DIAPH2: variants seen among roughly 807,000 people sequenced by gnomAD.
The protein encoded by DIAPH2 is diaphanous related formin 2, also known as protein diaphanous homolog 2.
DIAPH2 carries 35 observed loss-of-function variants against 92.7 expected under a neutral mutation model. That is an observed-to-expected ratio of 0.38 (90% CI 0.29 to 0.50). The LOEUF (loss-of-function observed/expected upper bound fraction) is 0.50. Ranked by LOEUF, DIAPH2 falls within the 20% of genes least tolerant of loss-of-function variation. DIAPH2 has a pLI of 0.94. For synonymous variants in DIAPH2, 301 were observed against 280.4 expected (o/e 1.07, Z -0.73); for missense variants, 701 against 819.5 (o/e 0.86, Z 1.77).
At chrX:97,090,446 G>A (rs1031643723) in intron 19 of DIAPH2, among the ~76,000 whole-genome samples, 20 of 107,900 alleles carry the variant, frequency 1.9e-4, no homozygotes, top group African/African-American at 6.1e-4. Flanking sequence ...AGGGCTCACC[G>A]CCTCTCCAGT....
chrX:97,592,039 A>G (rs2071521087), intron 26 of DIAPH2, among the ~76,000 whole-genome samples: 1 of 112,136 alleles, frequency 8.9e-6, no homozygotes, highest in Non-Finnish European at 1.9e-5. Context: ...CAATTATGTA[A>G]ATGCCAGTCA....
chrX:96,813,152 G>C (rs189110396), intron 4 of DIAPH2, among the ~76,000 whole-genome samples: 1 of 111,208 alleles, frequency 9.0e-6, no homozygotes, highest in East Asian at 2.8e-4. Context: ...TTGTGTGGGA[G>C]TCTAAGTCTC....
chrX:96,972,881 TTCATTAATTGG>T (rs770850019), intron 17 of DIAPH2, among the ~76,000 whole-genome samples: 1 of 111,734 alleles, frequency 8.9e-6, no homozygotes, highest in East Asian at 2.8e-4. Context: ...CAAGGAATCA[TTCATTAATTGG>T]TCAGCATTCA....
rs770771452 is a variant in DIAPH2 at position 97,542,848 on chromosome X, G to A, written c.3242-56405G>A. 1.6e-4 allele frequency among the ~76,000 whole-genome samples: 18 copies of A among 111,435 alleles called. No homozygotes were observed. The South Asian group carries it at 3.4e-3, about 21-fold the overall frequency. On this transcript the variant is annotated intron_variant, in intron 26 of 26. Coordinates refer to ENST00000324765, the MANE Select transcript of DIAPH2 (RefSeq NM_006729.5). ...ATAACCGATATATGGTGGGGAAAAC[G>A]ACAAGGGAGTGTTTTCTAAACCCAA...
intron 25 of DIAPH2, among the ~76,000 whole-genome samples, chrX:97,423,872 TAAAC>T (rs1455259400): frequency 2.7e-5 from 3 of 110,851 alleles, no homozygotes; most frequent in Non-Finnish European, 5.7e-5. Flanking sequence ...AATAAACACA[TAAAC>T]AATTTTTTTT....
intron 21 of DIAPH2, among the ~76,000 whole-genome samples, chrX:97,136,170 A>T (rs905965745): frequency 2.7e-5 from 3 of 112,372 alleles, no homozygotes; most frequent in African/African-American, 9.7e-5. Context: ...TAGAGATAAG[A>T]TCACAACAGA....
At chrX:96,750,372 T>G (rs2147585736) in intron 3 of DIAPH2, among the ~76,000 whole-genome samples, 1 of 111,856 alleles carries the variant, frequency 8.9e-6, no homozygotes, top group Non-Finnish European at 1.9e-5. Flanking sequence ...ACCAGAAATA[T>G]CTCTGGTTTT....
chrX:96,960,458 A>T (rs1282433362), intron 16 of DIAPH2, among the ~76,000 whole-genome samples: 5 of 110,740 alleles, frequency 4.5e-5, no homozygotes, highest in African/African-American at 1.6e-4. Context: ...TTGATTTTGT[A>T]TCCTCCAACT....
chrX:97,510,627 G>C (rs1235441652), intron 26 of DIAPH2, among the ~76,000 whole-genome samples: 3 of 101,765 alleles, frequency 2.9e-5, no homozygotes, highest in Non-Finnish European at 6.0e-5. Flanking sequence ...TTCTTCTAGG[G>C]TTTTTATGGT....
intron 1 of DIAPH2, among the ~76,000 whole-genome samples, chrX:96,687,333 A>G (rs1320251770): frequency 5.3e-5 from 6 of 112,495 alleles, no homozygotes; most frequent in Non-Finnish European, 1.9e-5. Flanking sequence ...AAATTAATTC[A>G]GTCGCTCCAG....
At chrX:97,132,859 T>C (rs1018865274) in intron 21 of DIAPH2, among the ~76,000 whole-genome samples, 4 of 111,812 alleles carry the variant, frequency 3.6e-5, no homozygotes, top group Non-Finnish European at 7.5e-5. Context: ...TATATGTGTA[T>C]TGTGTGATGT....
Position 96,922,553 on chromosome X carries a change from T to C in DIAPH2, c.978+3936T>C, listed in dbSNP as rs1291212056. Among the ~76,000 whole-genome samples the C allele has an allele frequency of 2.7e-5, 3 of 111,664 alleles. No homozygotes were observed. In the East Asian group the frequency reaches 8.5e-4, roughly 31 times the overall value. ...TCTCTCCAGACAATACCCTACACTA[T>C]TGTCAGTTATCTGTAAAAAATGAGT... On this transcript the variant is annotated intron_variant, in intron 9 of 26. Transcript: ENST00000324765.
intron 5 of DIAPH2, among the ~76,000 whole-genome samples, chrX:96,889,755 G>A (rs707287): frequency 0.35 from 38,610 of 110,420 alleles, 5,909 homozygotes; most frequent in South Asian, 0.49. Flanking sequence ...AAGCCTCCCT[G>A]ACTTTAATGA....
intron 22 of DIAPH2, among the ~76,000 whole-genome samples, chrX:97,162,128 C>T (rs2067378720): frequency 1.8e-5 from 2 of 111,131 alleles, no homozygotes; most frequent in Non-Finnish European, 3.8e-5. Context: ...GAATTATCTT[C>T]CAATGCACTA....
chrX:97,475,406 C>T (rs926080455), intron 26 of DIAPH2, among the ~76,000 whole-genome samples: 6 of 111,791 alleles, frequency 5.4e-5, no homozygotes, highest in Admixed American at 2.9e-4. Flanking sequence ...GTAAATTATT[C>T]CTTTACTCAC....
At chrX:96,799,164 G>A (rs2064562496) in intron 4 of DIAPH2, among the ~76,000 whole-genome samples, 1 of 109,423 alleles carries the variant, frequency 9.1e-6, no homozygotes, top group African/African-American at 3.4e-5. Flanking sequence ...AGTTCTGTAA[G>A]CCTGCAGTAC....
Position 97,603,859 on chromosome X carries a change from A to G in DIAPH2, c.*4542A>G, listed in dbSNP as rs1275611026. On this transcript the variant is annotated 3_prime_UTR_variant, in exon 27 of 27. Coordinates refer to ENST00000324765, the MANE Select transcript of DIAPH2 (RefSeq NM_006729.5). ...TGGTAAAGGCAATCTAGTTTTTTCT[A>G]TCACAGCCACCAAAATTCTTCTAGT... is the stretch of plus-strand genomic sequence containing the variant. The G allele has an allele frequency of 8.9e-6, 1 of 111,846 alleles. No individual in the cohort carries two copies. Among genetic ancestry groups the G allele is most frequent in the African/African-American group, 3.3e-5 (1 of 30,727 alleles). The allele number at this position is 111,846 out of a possible 1,213,427, so 9.2% of individuals were successfully genotyped here.
intron 4 of DIAPH2, among the ~76,000 whole-genome samples, chrX:96,789,278 T>A (rs1042463474): frequency 8.9e-6 from 1 of 111,993 alleles, no homozygotes; most frequent in Admixed American, 9.5e-5. Context: ...AAGGTTTTTA[T>A]TGGGGGCCGG....
chrX:96,837,712 C>T lies in DIAPH2; in HGVS notation c.448-43867C>T, dbSNP rs889717906. 5.4e-5 allele frequency among the ~76,000 whole-genome samples: 6 copies of T among 111,157 alleles called. No individual in the cohort carries two copies. In the Admixed American group the frequency reaches 5.8e-4, roughly 11 times the overall value. On this transcript the variant is annotated intron_variant, in intron 4 of 26. Transcript: ENST00000324765. ...AAAACGTTTATGCCACTTTCAGGAACAGATATATTGTATCATAATGCGATA... is the reference window on the plus strand; with the variant it reads ...AAAACGTTTATGCCACTTTCAGGAATAGATATATTGTATCATAATGCGATA...
Sources: gnomAD v4.1 joint callset for allele counts (sites outside exome capture counted in the v4.1 genomes callset) on GRCh38, gnomAD v4.1.1 for gene constraint, MANE v1.5 for transcripts, NCBI Gene and HGNC (gene_info 2026-07-23, HGNC 2026-07-21) for gene names.